The following NHSL2 variants were observed in gnomAD, a reference collection of about 807,000 sequenced individuals.
The protein encoded by NHSL2 is NHS like 2.
Under a neutral mutation model 53.4 loss-of-function variants are expected in NHSL2, and 27 were observed. The observed-to-expected ratio is 0.51, with a 90% confidence interval of 0.37 to 0.70. The LOEUF is 0.70. Ranked by LOEUF, NHSL2 falls within the 30% of genes least tolerant of loss-of-function variation. The pLI, the probability that NHSL2 is intolerant of heterozygous loss-of-function variation, is 0.00. For synonymous variants in NHSL2, 408 were observed against 404.1 expected, an observed-to-expected ratio of 1.01 and a Z score of -0.12; for missense variants, 892 against 980.1, an observed-to-expected ratio of 0.91 and a Z score of 1.20.
Position 72,070,285 on chromosome X carries a change from C to A in NHSL2, c.281-61794C>A, listed in dbSNP as rs766479072. Among the ~76,000 whole-genome samples, 12 of 110,406 alleles carry A rather than the reference C, an allele frequency of 1.1e-4. No individual in the cohort carries two copies. In the South Asian group the frequency reaches 4.0e-3, roughly 36 times the overall value. ...TCTTGCTGTGTAATGCCCTGCCCCCCACCACCCTGCCCCAGCCCTGACAGA... is the reference window on the plus strand; with the variant it reads ...TCTTGCTGTGTAATGCCCTGCCCCCAACCACCCTGCCCCAGCCCTGACAGA... On this transcript the variant is annotated intron_variant, in intron 1 of 7. Coordinates refer to ENST00000633930, the MANE Select transcript of NHSL2 (RefSeq NM_001013627.3).
rs1421350960 is a variant in NHSL2 at position 72,031,117 on chromosome X, G to C, written c.281-100962G>C. The stretch of plus-strand genomic sequence containing the variant: ...CACTCGGAAGGAGAGGCGGACGTGT[G>C]AAGGTATATGTGCAATAAAGAGTTC... On this transcript the variant is annotated intron_variant, in intron 1 of 7. Coordinates refer to ENST00000633930, the MANE Select transcript of NHSL2 (RefSeq NM_001013627.3). Among the ~76,000 whole-genome samples the C allele has an allele frequency of 3.6e-5, 4 of 112,266 alleles. No homozygotes were observed. The East Asian group carries it at 1.1e-3, about 31-fold the overall frequency.
intron 1 of NHSL2, among the ~76,000 whole-genome samples, chrX:72,081,869 C>T (rs2041795497): frequency 8.9e-6 from 1 of 112,351 alleles, no homozygotes. Flanking sequence ...AATGGAGGGA[C>T]TTGCTTCAGG....
chrX:72,015,008 A>ATT (rs1448611876), intron 1 of NHSL2, among the ~76,000 whole-genome samples: 1 of 110,758 alleles, frequency 9.0e-6, no homozygotes, highest in Non-Finnish European at 1.9e-5. Flanking sequence ...TTTCTGTGGT[A>ATT]TTTGGCTAAA....
chrX:71,977,070 T>A (rs5951205), intron 1 of NHSL2, among the ~76,000 whole-genome samples: 1 of 110,668 alleles, frequency 9.0e-6, no homozygotes, highest in Non-Finnish European at 1.9e-5. Context: ...GTAATATTAC[T>A]TTTTGGCTCC....
Position 72,139,704 on chromosome X carries a change from C to T in NHSL2, c.2156C>T (p.Ser719Leu), listed in dbSNP as rs975777771. The change falls in exon 6 of 8, where the codon TCG becomes TTG. Residue 719 changes from serine (S) to leucine (L), a missense_variant. Transcript: ENST00000633930. ...CCCTCCAGTGGCTACTCCAGCCAGT[C>T]GGAAACACCAACACCCACTGTTTCC... ...MSPSSGYSSQ[S>L]ETPTPTVSMS... 4 of 1,208,054 alleles carry T rather than the reference C, an allele frequency of 3.3e-6. No individual in the cohort carries two copies. The highest frequency in any genetic ancestry group is 1.8e-5 in the South Asian group (1 of 56,616).
chrX:71,967,596 C>T (rs776564001), intron 1 of NHSL2, among the ~76,000 whole-genome samples: 2 of 111,682 alleles, frequency 1.8e-5, no homozygotes, highest in South Asian at 7.4e-4. Flanking sequence ...ATTTTCTAGA[C>T]GTCTTTCTGT....
intron 1 of NHSL2, among the ~76,000 whole-genome samples, chrX:71,947,429 AC>A (rs1221237333): frequency 8.9e-6 from 1 of 112,460 alleles, no homozygotes; most frequent in African/African-American, 3.2e-5. Context: ...CAATTCAAGA[AC>A]GCTGCAGCAC....
chrX:71,913,979 C>G (rs189406414), intron 1 of NHSL2, among the ~76,000 whole-genome samples: 3 of 112,874 alleles, frequency 2.7e-5, no homozygotes, highest in Non-Finnish European at 5.6e-5. Context: ...CTAGTTGCCT[C>G]GCAACATCCC....
intron 1 of NHSL2, among the ~76,000 whole-genome samples, chrX:71,992,927 C>G (rs191341802): frequency 3.6e-5 from 4 of 112,055 alleles, no homozygotes; most frequent in Non-Finnish European, 7.5e-5. Flanking sequence ...TGTGACAGCA[C>G]TGAGGGACCT....
chrX:72,069,636 A>T, intron 1 of NHSL2: 2 of 913,996 alleles, frequency 2.2e-6, no homozygotes, highest in Admixed American at 5.8e-5. Flanking sequence ...GAGAAAGAGG[A>T]GGAGGAGGAG....
intron 1 of NHSL2, among the ~76,000 whole-genome samples, chrX:71,964,373 T>A (rs2041891920): frequency 9.2e-6 from 1 of 109,143 alleles, no homozygotes; most frequent in Admixed American, 1.0e-4. Flanking sequence ...TTCATCCATG[T>A]CCCTGCAAAG....
rs948331283 is a variant in NHSL2 at position 71,989,020 on chromosome X, A to G, written c.280+77653A>G. Reference sequence around the variant, plus strand: ...GCTATGCAATATACTAACACTTTCTATGTTTTTGTTCCATCAAGTATGAGC... The same window carrying G: ...GCTATGCAATATACTAACACTTTCTGTGTTTTTGTTCCATCAAGTATGAGC... On this transcript the variant is annotated intron_variant, in intron 1 of 7. Transcript: ENST00000633930. 2.7e-5 allele frequency among the ~76,000 whole-genome samples: 3 copies of G among 111,236 alleles called. No homozygotes were observed. The Admixed American group carries it at 2.9e-4, about 11-fold the overall frequency.
intron 1 of NHSL2, among the ~76,000 whole-genome samples, chrX:71,928,789 A>C (rs2041698772): frequency 9.0e-6 from 1 of 111,430 alleles, no homozygotes; most frequent in South Asian, 3.8e-4. Context: ...TTCATAGCAT[A>C]GATAGGGAAA....
At chrX:71,911,855 G>C (rs903690062) in intron 1 of NHSL2, among the ~76,000 whole-genome samples, 1 of 112,807 alleles carries the variant, frequency 8.9e-6, no homozygotes, top group Non-Finnish European at 1.9e-5. Context: ...GGAGCCGGCG[G>C]TGGTGCCTAC....
chrX:71,943,722 G>T (rs1289716281), intron 1 of NHSL2, among the ~76,000 whole-genome samples: 2 of 112,693 alleles, frequency 1.8e-5, no homozygotes, highest in African/African-American at 6.4e-5. Flanking sequence ...TTGGCATTTA[G>T]CAACATGCAA....
chrX:71,924,660 TAC>T (rs2041675725), intron 1 of NHSL2, among the ~76,000 whole-genome samples: 1 of 112,157 alleles, frequency 8.9e-6, no homozygotes, highest in Non-Finnish European at 1.9e-5. Flanking sequence ...CTGATCCCAA[TAC>T]ATTTAGATGA....
chrX:72,131,002 T>G (rs2042289148), intron 1 of NHSL2: 1 of 1,208,883 alleles, frequency 8.3e-7, no homozygotes, highest in African/African-American at 1.8e-5. Context: ...CCCGGGGAAA[T>G]GAACCTCATG....
intron 5 of NHSL2, 37 bp downstream of exon 5, chrX:72,137,262 CTT>C: frequency 8.9e-7 from 1 of 1,121,436 alleles, no homozygotes. Flanking sequence ...GTCCCTTCCC[CTT>C]ACCCACTCCT....
rs1473833976 is a variant in NHSL2, at chrX:72,146,666, C to T, written c.*3092C>T. 1 of 111,417 alleles carries T rather than the reference C, an allele frequency of 9.0e-6. No individual in the cohort carries two copies. Among genetic ancestry groups the T allele is most frequent in the Non-Finnish European group, 1.9e-5 (1 of 53,086 alleles). 9.2% of individuals were successfully genotyped at this position (111,417 alleles called of 1,213,427 possible). ...TTGATCTAGTCACCATCCCCAGGAG[C>T]GGAGGTTAATTGTTAACCAAGGATG... is the stretch of plus-strand genomic sequence containing the variant. On this transcript the variant is annotated 3_prime_UTR_variant, in exon 8 of 8. Coordinates refer to ENST00000633930, the MANE Select transcript of NHSL2 (RefSeq NM_001013627.3).
Sources: gnomAD v4.1 joint callset for allele counts (sites outside exome capture counted in the v4.1 genomes callset) on GRCh38, gnomAD v4.1.1 for gene constraint, MANE v1.5 for transcripts, NCBI Gene and HGNC (gene_info 2026-07-23, HGNC 2026-07-21) for gene names.